Variants in EEFSEC observed in about 807,000 individuals in gnomAD.
EEFSEC encodes the protein selenocysteine-specific elongation factor.
A neutral mutation model predicts 42.1 loss-of-function variants in EEFSEC; 43 were observed. The ratio of observed to expected loss-of-function variants is 1.02; its 90% CI spans 0.80 to 1.32. The LOEUF is 1.32. EEFSEC is among the 40% of genes most tolerant of loss of function. The pLI, the probability that EEFSEC is intolerant of heterozygous loss-of-function variation, is 0.00. For synonymous variants in EEFSEC, 354 were observed against 339.1 expected (o/e 1.04, Z -0.48); for missense variants, 745 against 803.6 (o/e 0.93, Z 0.88).
rs527621231 is a variant in EEFSEC at position 128,234,048 on chromosome 3, TATTTATTTA to T, written c.317-12778_317-12770del. ...CTTTTTATTTATTTATTTATTTATT[TATTTATTTA>T]ATTTATTTATTTTGAGACAGAGTCT... On this transcript the variant is annotated intron_variant, in intron 1 of 6. Coordinates refer to ENST00000254730, the MANE Select transcript of EEFSEC (RefSeq NM_021937.5). Among the ~76,000 whole-genome samples the T allele has an allele frequency of 8.5e-4, 128 of 151,122 alleles. 4 individuals are homozygous for T. The South Asian group carries it at 0.028, about 33-fold the overall frequency.
chr3:128,362,272 T>A, intron 6 of EEFSEC: 1 of 511,690 alleles, frequency 2.0e-6, no homozygotes, highest in Non-Finnish European at 4.0e-6. Flanking sequence ...CCGCAGCCCC[T>A]CCTGTTCCCA....
chr3:128,378,022 T>C (rs2067729586), intron 6 of EEFSEC, among the ~76,000 whole-genome samples: 1 of 152,224 alleles, frequency 6.6e-6, no homozygotes, highest in African/African-American at 2.4e-5. Flanking sequence ...AGAAGATAAG[T>C]GGAGAAAAAC....
intron 1 of EEFSEC, among the ~76,000 whole-genome samples, chr3:128,186,957 G>T (rs2065472406): frequency 6.6e-6 from 1 of 152,124 alleles, no homozygotes; most frequent in African/African-American, 2.4e-5. Flanking sequence ...TGAGCTCCAT[G>T]GCACACCCTA....
chr3:128,229,085 T>C (rs1028120025), intron 1 of EEFSEC, among the ~76,000 whole-genome samples: 3 of 152,148 alleles, frequency 2.0e-5, no homozygotes, highest in African/African-American at 7.2e-5. Flanking sequence ...CTAGGGAAAA[T>C]CCCCACTAGA....
chr3:128,382,267 G>A (rs1316782967), intron 6 of EEFSEC, among the ~76,000 whole-genome samples: 3 of 152,216 alleles, frequency 2.0e-5, no homozygotes, highest in Admixed American at 1.3e-4. Flanking sequence ...ATGGGAAATT[G>A]GATGCCAACC....
intron 1 of EEFSEC, among the ~76,000 whole-genome samples, chr3:128,222,988 C>G (rs1466761743): frequency 6.6e-6 from 1 of 152,190 alleles, no homozygotes; most frequent in Non-Finnish European, 1.5e-5. Context: ...GAAAGACCAA[C>G]CATGTCATTA....
At chr3:128,233,967 T>C (rs551939627) in intron 1 of EEFSEC, among the ~76,000 whole-genome samples, 2 of 152,352 alleles carry the variant, frequency 1.3e-5, no homozygotes, top group African/African-American at 4.8e-5. Context: ...TTCTTAAGCA[T>C]GCAATATGTG....
chr3:128,382,278 A>T (rs1203326398), intron 6 of EEFSEC, among the ~76,000 whole-genome samples: 2 of 152,210 alleles, frequency 1.3e-5, no homozygotes, highest in Non-Finnish European at 2.9e-5. Context: ...GATGCCAACC[A>T]AGCCCAGGGC....
At chr3:128,344,466 C>T (rs748515153) in intron 5 of EEFSEC, among the ~76,000 whole-genome samples, 12 of 152,170 alleles carry the variant, frequency 7.9e-5, no homozygotes, top group Non-Finnish European at 1.5e-4. Flanking sequence ...TTTCTTCCTA[C>T]GAACCCAGGT....
intron 4 of EEFSEC, among the ~76,000 whole-genome samples, chr3:128,300,527 G>A (rs1455276568): frequency 7.8e-6 from 1 of 128,358 alleles, no homozygotes; most frequent in Non-Finnish European, 1.6e-5. Flanking sequence ...TGGTGACAGA[G>A]CAAGACTCTG....
intron 1 of EEFSEC, among the ~76,000 whole-genome samples, chr3:128,223,106 G>T (rs1216451728): frequency 6.6e-6 from 1 of 152,188 alleles, no homozygotes; most frequent in Non-Finnish European, 1.5e-5. Flanking sequence ...TCATACCTAT[G>T]TAATGAAACC....
Position 128,184,731 on chromosome 3 carries a change from T to C in EEFSEC, c.316+30908T>C, listed in dbSNP as rs547074519. Among the ~76,000 whole-genome samples the C allele has an allele frequency of 3.3e-5, 5 of 152,360 alleles. No individual in the cohort carries two copies. The East Asian group carries it at 9.6e-4, about 29-fold the overall frequency. ...TGTTTAAAATGAAGGACATTTTTTT[T>C]CCTTATCTCTTATAGAATGAACTAG... is the stretch of plus-strand genomic sequence containing the variant. On this transcript the variant is annotated intron_variant, in intron 1 of 6. Transcript: ENST00000254730.
chr3:128,391,180 G>A (rs747202325), intron 6 of EEFSEC, among the ~76,000 whole-genome samples: 1 of 152,230 alleles, frequency 6.6e-6, no homozygotes, highest in Non-Finnish European at 1.5e-5. Flanking sequence ...TTAAATGAAT[G>A]CACAGACTCC....
chr3:128,229,049 C>T (rs2065934991), intron 1 of EEFSEC, among the ~76,000 whole-genome samples: 1 of 152,158 alleles, frequency 6.6e-6, no homozygotes. Flanking sequence ...TATTGAGACT[C>T]AGTATGAAAA....
chr3:128,301,280 G>A (rs933874508), intron 4 of EEFSEC, among the ~76,000 whole-genome samples: 1 of 152,142 alleles, frequency 6.6e-6, no homozygotes, highest in African/African-American at 2.4e-5. Context: ...CAGCTCCTCC[G>A]GTGTGCACGC....
At chr3:128,390,868 C>A (rs565792317) in intron 6 of EEFSEC, among the ~76,000 whole-genome samples, 1 of 152,244 alleles carries the variant, frequency 6.6e-6, no homozygotes, top group Non-Finnish European at 1.5e-5. Context: ...CCCTTGGGGC[C>A]TTTGCTTGGC....
chr3:128,290,284 G>GTT lies in EEFSEC; in HGVS notation c.786+25512_786+25513dup, dbSNP rs557089390. 3.4e-5 allele frequency among the ~76,000 whole-genome samples: 5 copies of GTT among 148,408 alleles called. No homozygotes were observed. The East Asian group carries it at 7.9e-4, about 23-fold the overall frequency. Reference sequence around the variant, plus strand: ...GTATGGTGTGAAGAAAGGATTGAAGGTTTTTTTTTTCCTCATATATGTATG... The same window carrying GTT: ...GTATGGTGTGAAGAAAGGATTGAAGGTTTTTTTTTTTTCCTCATATATGTATG... On this transcript the variant is annotated intron_variant, in intron 4 of 6. Coordinates refer to ENST00000254730, the MANE Select transcript of EEFSEC (RefSeq NM_021937.5).
At chr3:128,199,862 T>A (rs1240658951) in intron 1 of EEFSEC, among the ~76,000 whole-genome samples, 2 of 151,968 alleles carry the variant, frequency 1.3e-5, no homozygotes, top group Non-Finnish European at 2.9e-5. Flanking sequence ...GCCTCCCGAG[T>A]AGCTGGGATT....
intron 6 of EEFSEC, among the ~76,000 whole-genome samples, chr3:128,403,856 C>A (rs112809571): frequency 2.0e-5 from 3 of 152,352 alleles, no homozygotes; most frequent in African/African-American, 7.2e-5. Flanking sequence ...ACAGTGACTG[C>A]GGTGCTGTTT....
Sources: allele counts gnomAD v4.1 joint callset (sites outside exome capture counted in the v4.1 genomes callset), GRCh38; gene constraint gnomAD v4.1.1; transcripts MANE v1.5; gene names NCBI Gene and HGNC (gene_info 2026-07-23, HGNC 2026-07-21).